CFAP61: variants seen among roughly 807,000 people sequenced by gnomAD.
CFAP61 encodes the protein cilia- and flagella-associated protein 61.
Under a neutral mutation model 135.6 loss-of-function variants are expected in CFAP61, and 107 were observed. The ratio of observed to expected loss-of-function variants is 0.79; its 90% CI spans 0.67 to 0.93. The LOEUF (loss-of-function observed/expected upper bound fraction) is 0.93, where lower values mean the gene tolerates loss of function less well. Among genes scored for constraint, CFAP61 ranks in the 40% least tolerant of loss-of-function variants. The probability of loss-of-function intolerance (pLI) is 0.00; values close to 1 mark genes in which losing one functional copy is unlikely to be tolerated. For synonymous variants in CFAP61, 575 were observed against 578.5 expected (o/e 0.99, Z 0.09); for missense variants, 1,507 against 1,556.2 (o/e 0.97, Z 0.53).
rs767785834 is a variant in CFAP61 at position 20,169,352 on chromosome 20, A to G, written c.1277A>G (p.His426Arg). The change falls in exon 13 of 27, where the codon CAT (histidine) becomes CGT (arginine). Residue 426 changes from histidine to arginine, a missense_variant. By Grantham distance (29) the His-to-Arg change is conservative. Transcript: ENST00000245957. The part of the protein sequence containing the change: ...DKNFCVISLP[H>R]LTPEFFLIQN... ...AACTTCTGTGTAATTTCTCTGCCCC[A>G]TCTCACCCCCGAGTTCTTCCTCATC... is the stretch of plus-strand genomic sequence containing the variant. 2 of 1,613,622 alleles carry G rather than the reference A, an allele frequency of 1.2e-6. No individual in the cohort carries two copies. Among genetic ancestry groups the G allele is most frequent in the South Asian group, 1.1e-5 (1 of 91,034 alleles).
At chr20:20,237,530 C>A (rs950115285) in intron 18 of CFAP61, among the ~76,000 whole-genome samples, 9 of 152,248 alleles carry the variant, frequency 5.9e-5, no homozygotes, top group Admixed American at 5.2e-4. Flanking sequence ...CCCACACCTC[C>A]TCTGTGGATC....
rs547127444 is a variant in CFAP61, at chr20:20,169,051, A to AG, written c.1246-269dup. On this transcript the variant is annotated intron_variant, in intron 12 of 26. Transcript: ENST00000245957. ...GTCTTGGTTTAAAAACTACTTCCAC[A>AG]GAAGAGTTATGCTGAATGACTGCCA... Among the ~76,000 whole-genome samples the AG allele has an allele frequency of 3.7e-3, 556 of 152,294 alleles. 2 individuals carry two copies. Among genetic ancestry groups the AG allele is most frequent in the African/African-American group, 0.012 (509 of 41,556 alleles).
At chr20:20,195,972 T>C (rs1342540269) in intron 15 of CFAP61, among the ~76,000 whole-genome samples, 1 of 152,024 alleles carries the variant, frequency 6.6e-6, no homozygotes, top group Admixed American at 6.6e-5. Context: ...TCCCAGCTAC[T>C]TGGGAGGCTG....
intron 17 of CFAP61, among the ~76,000 whole-genome samples, chr20:20,223,724 A>T (rs993020309): frequency 9.2e-5 from 14 of 152,262 alleles, no homozygotes; most frequent in Non-Finnish European, 1.6e-4. Flanking sequence ...ATTTTGACCA[A>T]TTTTTTTCTA....
At chr20:20,197,241 T>C (rs1380424764) in intron 16 of CFAP61, among the ~76,000 whole-genome samples, 4 of 152,204 alleles carry the variant, frequency 2.6e-5, no homozygotes, top group Non-Finnish European at 4.4e-5. Flanking sequence ...TACTAGGTGA[T>C]GGAGAGAAAG....
intron 9 of CFAP61, among the ~76,000 whole-genome samples, chr20:20,144,051 G>A (rs1443514954): frequency 1.3e-5 from 2 of 152,244 alleles, no homozygotes; most frequent in Admixed American, 6.5e-5. Context: ...AGAGGGCACC[G>A]CTCCAGTCCT....
At chr20:20,129,706 T>A (rs2050362173) in intron 8 of CFAP61, among the ~76,000 whole-genome samples, 1 of 151,526 alleles carries the variant, frequency 6.6e-6, no homozygotes. Flanking sequence ...TTTCAGGTAA[T>A]TTTCTGTATC....
At chr20:20,279,193 C>G (rs1454396765) in intron 22 of CFAP61, among the ~76,000 whole-genome samples, 6 of 152,054 alleles carry the variant, frequency 3.9e-5, no homozygotes, top group African/African-American at 1.4e-4. Context: ...AGATTAGAAT[C>G]AAACTCCTGA....
chr20:20,085,248 G>A lies in CFAP61; in HGVS notation c.567-5596G>A, dbSNP rs566761749. 4.1e-6 allele frequency: 4 copies of A among 985,436 alleles called. No homozygotes were observed. In the South Asian group the frequency reaches 1.9e-4, roughly 46 times the overall value. The allele number at this position is 985,436 out of a possible 1,614,324, so 61.0% of individuals were successfully genotyped here. A position where few individuals can be genotyped will look rare whatever the true frequency, so the allele number is the denominator to read the frequency against. ...AGGCAGCGCTCATTGCCTCAGAACA[G>A]TCACGTTGAAACATTTGACTGCATG... On this transcript the variant is annotated intron_variant, in intron 6 of 26. Transcript: ENST00000245957.
chr20:20,085,868 A>G (rs930706909), intron 6 of CFAP61, among the ~76,000 whole-genome samples: 5 of 152,268 alleles, frequency 3.3e-5, no homozygotes, highest in Non-Finnish European at 5.9e-5. Flanking sequence ...CTTAGCCAAT[A>G]TCATCAAGGA....
intron 15 of CFAP61, among the ~76,000 whole-genome samples, chr20:20,193,595 T>A (rs2056075655): frequency 1.3e-5 from 2 of 152,004 alleles, no homozygotes; most frequent in South Asian, 4.1e-4. Context: ...TGTAGAATTC[T>A]ATTCAAATTA....
intron 24 of CFAP61, among the ~76,000 whole-genome samples, chr20:20,297,160 C>T (rs1027460838): frequency 6.6e-6 from 1 of 152,124 alleles, no homozygotes; most frequent in Admixed American, 6.5e-5. Context: ...CCATGTGATA[C>T]CCCAACACCC....
chr20:20,248,339 A>T (rs563734480), intron 19 of CFAP61, among the ~76,000 whole-genome samples: 1 of 152,368 alleles, frequency 6.6e-6, no homozygotes, highest in South Asian at 2.1e-4. Flanking sequence ...ATTATCTCTG[A>T]TCATGGGGTT....
chr20:20,205,736 G>A (rs983612423), intron 17 of CFAP61, among the ~76,000 whole-genome samples: 31 of 152,190 alleles, frequency 2.0e-4, no homozygotes, highest in African/African-American at 7.5e-4. Context: ...GCAGGTTTTG[G>A]ACACCTGCTG....
At chr20:20,262,921 A>T in intron 20 of CFAP61, 35 bp from the exon 21 acceptor site, 1 of 1,448,616 alleles carries the variant, frequency 6.9e-7, no homozygotes, top group Non-Finnish European at 9.3e-7. Context: ...TTTATCTATT[A>T]TCACTGAAAT....
intron 18 of CFAP61, among the ~76,000 whole-genome samples, chr20:20,233,881 G>T (rs1006461510): frequency 3.3e-5 from 5 of 152,188 alleles, no homozygotes; most frequent in African/African-American, 1.2e-4. Flanking sequence ...GACGGGGGAA[G>T]ATCAGCTTAT....
intron 13 of CFAP61, among the ~76,000 whole-genome samples, chr20:20,186,688 A>T (rs939584308): frequency 6.6e-6 from 1 of 152,040 alleles, no homozygotes; most frequent in Non-Finnish European, 1.5e-5. Context: ...TCTTTTTATT[A>T]GTTAATTATA....
Position 20,359,302 on chromosome 20 carries a change from C to CT in CFAP61, c.3514-904dup, listed in dbSNP as rs2059387362. Among the ~76,000 whole-genome samples the CT allele has an allele frequency of 6.6e-5, 10 of 152,262 alleles. No individual in the cohort carries two copies. In the South Asian group the frequency reaches 1.9e-3, roughly 28 times the overall value. On this transcript the variant is annotated intron_variant, in intron 26 of 26. Coordinates refer to ENST00000245957, the MANE Select transcript of CFAP61 (RefSeq NM_015585.4). The surrounding 1 kb of genome is among the most constrained non-coding windows in gnomAD (Gnocchi z 4.0). ...TTCTTGGGAATTATAAGCAAGAAAA[C>CT]TTTTCATATAGGACCTTTCAAGTAA...
chr20:20,331,196 G>T (rs1051819334), intron 25 of CFAP61, among the ~76,000 whole-genome samples: 3 of 152,004 alleles, frequency 2.0e-5, no homozygotes, highest in African/African-American at 7.2e-5. Context: ...CTTCTCCTCC[G>T]TTTATTTACT....
Sources: gnomAD v4.1 joint callset for allele counts (sites outside exome capture counted in the v4.1 genomes callset) on GRCh38, gnomAD v4.1.1 for gene constraint, Gnocchi (gnomAD v3.1) non-coding constraint, MANE v1.5 for transcripts, NCBI Gene and HGNC (gene_info 2026-07-23, HGNC 2026-07-21) for gene names.